IP6K1: variants seen among roughly 807,000 people sequenced by gnomAD.
IP6K1 encodes the protein inositol hexakisphosphate kinase 1.
Under a neutral mutation model 38.3 loss-of-function variants are expected in IP6K1, and 13 were observed. The observed-to-expected ratio is 0.34, with a 90% CI of 0.22 to 0.54. The LOEUF is 0.54. IP6K1 is among the 20% of genes least tolerant of loss of function. IP6K1 has a pLI of 0.92. For missense variants in IP6K1, 397 were observed against 599.8 expected (o/e 0.66, Z 3.53); for synonymous variants, 212 against 229.9 (o/e 0.92, Z 0.70).
intron 1 of IP6K1, among the ~76,000 whole-genome samples, chr3:49,782,837 T>C (rs916130850): frequency 1.1e-4 from 16 of 149,220 alleles, no homozygotes; most frequent in Non-Finnish European, 2.1e-4. Context: ...TGGCCAGGTG[T>C]GGTGGCTCAC....
rs1486615748 is a variant in IP6K1, at chr3:49,777,514, G to A, written c.-129+8840C>T. Among the ~76,000 whole-genome samples, 5 of 151,714 alleles carry A rather than the reference G, an allele frequency of 3.3e-5. No individual in the cohort carries two copies. In the East Asian group the frequency reaches 5.8e-4, roughly 18 times the overall value. ...GGAGGTGGAGGTTACAGTGAGTGGAGATTGCGCCACTGCACTCCAGCCTGT... is the reference window on the plus strand; with the variant it reads ...GGAGGTGGAGGTTACAGTGAGTGGAAATTGCGCCACTGCACTCCAGCCTGT... On this transcript the variant is annotated intron_variant, in intron 1 of 5. Coordinates refer to ENST00000321599, the MANE Select transcript of IP6K1 (RefSeq NM_153273.4).
At chr3:49,776,892 TG>T (rs1387972074) in intron 1 of IP6K1, among the ~76,000 whole-genome samples, 8 of 152,212 alleles carry the variant, frequency 5.3e-5, no homozygotes, top group Admixed American at 4.6e-4. Context: ...GAAAGCAGGC[TG>T]GGGTTGACTG....
chr3:49,762,318 C>T (rs913297559), intron 1 of IP6K1, among the ~76,000 whole-genome samples: 12 of 152,062 alleles, frequency 7.9e-5, no homozygotes, highest in African/African-American at 2.2e-4. Context: ...CTGAGGCAGG[C>T]GGACCATGAG....
intron 1 of IP6K1, among the ~76,000 whole-genome samples, chr3:49,782,947 TAA>T (rs751486214): frequency 3.7e-4 from 22 of 60,144 alleles, no homozygotes; most frequent in South Asian, 1.0e-3. Context: ...CCGGCTCTAC[TAA>T]AAAAAAAAAA....
chr3:49,748,697 G>C (rs1425177241), intron 1 of IP6K1, among the ~76,000 whole-genome samples: 1 of 152,132 alleles, frequency 6.6e-6, no homozygotes. Flanking sequence ...CTGAGCTGTA[G>C]GACAGTGGTC....
intron 4 of IP6K1, among the ~76,000 whole-genome samples, chr3:49,729,064 C>T (rs570393285): frequency 6.6e-6 from 1 of 151,862 alleles, no homozygotes; most frequent in African/African-American, 2.4e-5. Flanking sequence ...AAGCCATTTT[C>T]CTGCTTGTAC....
intron 4 of IP6K1, among the ~76,000 whole-genome samples, chr3:49,728,713 T>A (rs1036401697): frequency 1.3e-5 from 2 of 151,808 alleles, no homozygotes; most frequent in South Asian, 4.2e-4. Context: ...GTAGCTGAGA[T>A]TACAGGTGCC....
At chr3:49,731,388 T>C (rs1400706799) in intron 4 of IP6K1, among the ~76,000 whole-genome samples, 2 of 152,202 alleles carry the variant, frequency 1.3e-5, no homozygotes, top group Non-Finnish European at 2.9e-5. Flanking sequence ...TTCATTCTTT[T>C]GAAAGTAACT....
chr3:49,735,378 A>G (rs1055360870), intron 3 of IP6K1, among the ~76,000 whole-genome samples: 2 of 152,050 alleles, frequency 1.3e-5, no homozygotes, highest in African/African-American at 2.4e-5. Flanking sequence ...GAGTGGGGGG[A>G]AAAGCCCACC....
rs551861024 is a variant in IP6K1, at chr3:49,725,876, A to G, written c.*1246T>C. Reference sequence around the variant, plus strand: ...ATTTATTCTGCTATCAGGTCTTTATAAAAAGGCAACACCTGTGGAGGAAGG... The same window carrying G: ...ATTTATTCTGCTATCAGGTCTTTATGAAAAGGCAACACCTGTGGAGGAAGG... On this transcript the variant is annotated 3_prime_UTR_variant, in exon 6 of 6. Coordinates refer to ENST00000321599, the MANE Select transcript of IP6K1 (RefSeq NM_153273.4). 2.0e-5 allele frequency: 3 copies of G among 152,434 alleles called. No individual in the cohort carries two copies. The highest frequency in any genetic ancestry group is 4.4e-5 in the Non-Finnish European group (3 of 68,076). The allele number at this position is 152,434 out of a possible 1,614,324, so 9.4% of individuals were successfully genotyped here.
intron 2 of IP6K1, among the ~76,000 whole-genome samples, chr3:49,744,941 C>T (rs554244140): frequency 3.3e-5 from 5 of 152,214 alleles, no homozygotes; most frequent in African/African-American, 1.2e-4. Context: ...TTAGTATGAC[C>T]AGCTACAATC....
At chr3:49,774,342 A>G (rs1409354717) in intron 1 of IP6K1, among the ~76,000 whole-genome samples, 1 of 136,614 alleles carries the variant, frequency 7.3e-6, no homozygotes, top group African/African-American at 2.7e-5. Flanking sequence ...CAGGAGGTGG[A>G]GCTTGCAGTG....
intron 1 of IP6K1, among the ~76,000 whole-genome samples, chr3:49,759,534 A>G (rs2080850928): frequency 6.6e-6 from 1 of 152,168 alleles, no homozygotes; most frequent in Admixed American, 6.6e-5. Context: ...GACATTTAGA[A>G]AACAGTGTAA....
intron 1 of IP6K1, among the ~76,000 whole-genome samples, chr3:49,768,943 C>T (rs139506297): frequency 0.011 from 1,612 of 152,160 alleles, 23 homozygotes; most frequent in African/African-American, 0.036. Flanking sequence ...AATGCCACTG[C>T]ATCATACCCT....
intron 1 of IP6K1, among the ~76,000 whole-genome samples, chr3:49,783,013 G>A (rs1192709875): frequency 2.0e-5 from 3 of 151,682 alleles, no homozygotes; most frequent in Admixed American, 6.6e-5. Context: ...CCAGCTACTC[G>A]GGAGGCTGAG....
At chr3:49,735,145 A>C (rs1314912175) in intron 3 of IP6K1, among the ~76,000 whole-genome samples, 6 of 152,190 alleles carry the variant, frequency 3.9e-5, no homozygotes, top group African/African-American at 2.4e-5. Flanking sequence ...GCTTGAAGCC[A>C]GGAGTTTCAG....
At chr3:49,773,584 A>C (rs188310584) in intron 1 of IP6K1, among the ~76,000 whole-genome samples, 1 of 152,222 alleles carries the variant, frequency 6.6e-6, no homozygotes, top group Non-Finnish European at 1.5e-5. Context: ...GCACCACTGC[A>C]CTCCAGCCTG....
At chr3:49,746,666 T>G (rs1388264537) in intron 2 of IP6K1, among the ~76,000 whole-genome samples, 1 of 139,028 alleles carries the variant, frequency 7.2e-6, no homozygotes, top group Non-Finnish European at 1.5e-5. Flanking sequence ...AGAGAGAAAC[T>G]CTCAAAAAAA....
At chr3:49,773,283 A>T (rs926810486) in intron 1 of IP6K1, among the ~76,000 whole-genome samples, 1 of 152,188 alleles carries the variant, frequency 6.6e-6, no homozygotes, top group Non-Finnish European at 1.5e-5. Flanking sequence ...CAAGGTCAGC[A>T]CTTACTTTAG....
Sources: gnomAD v4.1 joint callset for allele counts (sites outside exome capture counted in the v4.1 genomes callset) on GRCh38, gnomAD v4.1.1 for gene constraint, MANE v1.5 for transcripts, NCBI Gene and HGNC (gene_info 2026-07-23, HGNC 2026-07-21) for gene names.